The following TMEM230 variants were observed in gnomAD, a reference collection of about 807,000 sequenced individuals.
The protein encoded by TMEM230 is UPF0414 transmembrane protein C20orf30.
In TMEM230, 10 loss-of-function variants were observed where a neutral mutation model predicts 15.8. That is an observed-to-expected ratio of 0.63 (90% CI 0.39 to 1.07). TMEM230 has a LOEUF of 1.07. TMEM230 is among the 50% of genes least tolerant of loss of function. TMEM230 has a pLI of 0.01. For synonymous variants in TMEM230, 67 were observed against 76.9 expected, an observed-to-expected ratio of 0.87 and a Z score of 0.68; for missense variants, 165 against 193.3, an observed-to-expected ratio of 0.85 and a Z score of 0.87.
At position 5,106,119 on chromosome 20, in the gene TMEM230, A is replaced by ACG. The variant is rs1555775157; in HGVS notation, c.411+67_411+68dup. Reference sequence around the variant, plus strand: ...CACACACACACACACACACACACACACGCACACTAGAGCCTTGGCTAACAT... The same window carrying ACG: ...CACACACACACACACACACACACACACGCGCACACTAGAGCCTTGGCTAACAT... On this transcript the variant is annotated intron_variant, in intron 4 of 4. Coordinates refer to ENST00000342308, the MANE Select transcript of TMEM230 (RefSeq NM_001009923.2). 5.4e-4 allele frequency: 835 copies of ACG among 1,534,654 alleles called. 1 individual carries two copies. Among genetic ancestry groups the ACG allele is most frequent in the Non-Finnish European group, 6.9e-4 (791 of 1,141,040 alleles).
At chr20:5,073,127 G>T (rs1247819271) in intron 3 of TMEM230, among the ~76,000 whole-genome samples, 1 of 152,050 alleles carries the variant, frequency 6.6e-6, no homozygotes, top group Non-Finnish European at 1.5e-5. Context: ...GAAGCTGTGG[G>T]GTGTCAATTA....
At chr20:5,094,936 T>C (rs180682598), downstream of TMEM230, among the ~76,000 whole-genome samples, 384 of 152,154 alleles carry the variant, frequency 2.5e-3, 3 homozygotes, top group African/African-American at 8.9e-3. Context: ...TTTCCTAATG[T>C]AAGTCATCTC....
the TMEM230 span, among the ~76,000 whole-genome samples, chr20:5,062,638 T>C: frequency 6.6e-6 from 1 of 151,394 alleles, no homozygotes; most frequent in Non-Finnish European, 1.5e-5. Context: ...TGGTGCATGC[T>C]TGTAGTCCCA....
intron 3 of TMEM230, among the ~76,000 whole-genome samples, chr20:5,091,060 G>A (rs1275940209): frequency 1.3e-5 from 2 of 152,032 alleles, no homozygotes; most frequent in Non-Finnish European, 2.9e-5. Context: ...GTGCAGTGGC[G>A]AGATCATGGC....
At chr20:5,083,008 A>C (rs1017209109) in intron 3 of TMEM230, among the ~76,000 whole-genome samples, 1 of 149,418 alleles carries the variant, frequency 6.7e-6, no homozygotes, top group African/African-American at 2.5e-5. Context: ...GCTCATTGCA[A>C]CCTCCACCTC....
chr20:5,093,414 AT>A, intron 3 of TMEM230, among the ~76,000 whole-genome samples: 1 of 151,932 alleles, frequency 6.6e-6, no homozygotes, highest in East Asian at 1.9e-4. Flanking sequence ...TACCTGGCTA[AT>A]TTTTTTGTAG....
intron 2 of TMEM230, 130 bp from the exon 2 acceptor site, chr20:5,109,575 A>G: frequency 1.4e-6 from 1 of 692,296 alleles, no homozygotes; most frequent in South Asian, 1.7e-5. Flanking sequence ...GCAATGGGCA[A>G]TTTACACTTC....
Position 5,068,922 on chromosome 20 carries a change from C to G in TMEM230, c.*266G>C. ...AAGGGGACAGGAATCCTCCTACCCT[C>G]AGGAACAGAGGTGGGGCCATGGGGA... is the stretch of plus-strand genomic sequence containing the variant. On this transcript the variant is annotated 3_prime_UTR_variant, in exon 4 of 4. Transcript: ENST00000612323. 5.2e-6 allele frequency: 2 copies of G among 383,586 alleles called. 1 individual carries two copies. The highest frequency in any genetic ancestry group is 6.0e-5 in the South Asian group (2 of 33,254). 23.8% of individuals were successfully genotyped at this position (383,586 alleles called of 1,614,324 possible).
intron 3 of TMEM230, among the ~76,000 whole-genome samples, chr20:5,091,272 G>A (rs2089497946): frequency 6.6e-6 from 1 of 152,198 alleles, no homozygotes; most frequent in Admixed American, 6.5e-5. Flanking sequence ...CCAGGCTGGA[G>A]TGCAATGGGC....
chr20:5,095,256 C>T (rs551845526), downstream of TMEM230, among the ~76,000 whole-genome samples: 3 of 152,254 alleles, frequency 2.0e-5, no homozygotes, highest in East Asian at 1.9e-4. Flanking sequence ...CAAGCCAGCA[C>T]CTCCAGTGTT....
chr20:5,106,137 G>A (rs771214499), intron 4 of TMEM230, 51 bp downstream of exon 3: 1 of 1,564,958 alleles, frequency 6.4e-7, no homozygotes, highest in Non-Finnish European at 8.7e-7. Flanking sequence ...TAGAGCCTTG[G>A]CTAACATTTT....
chr20:5,090,319 A>G (rs2089471023), intron 3 of TMEM230, among the ~76,000 whole-genome samples: 1 of 152,244 alleles, frequency 6.6e-6, no homozygotes, highest in Non-Finnish European at 1.5e-5. Flanking sequence ...CAACAGCAGG[A>G]CATGCATTGT....
chr20:5,097,395 C>G (rs899175057), downstream of TMEM230, among the ~76,000 whole-genome samples: 5 of 152,174 alleles, frequency 3.3e-5, no homozygotes, highest in African/African-American at 1.2e-4. Context: ...TAACAGGAGG[C>G]ATAAGAGTTG....
At chr20:5,059,831 G>A in the TMEM230 span, among the ~76,000 whole-genome samples, 1 of 137,628 alleles carries the variant, frequency 7.3e-6, no homozygotes, top group Non-Finnish European at 1.5e-5. Context: ...GCTGGATGGA[G>A]TACAGTGGTG....
At chr20:5,087,094 G>T in intron 3 of TMEM230, among the ~76,000 whole-genome samples, 1 of 151,976 alleles carries the variant, frequency 6.6e-6, no homozygotes, top group East Asian at 1.9e-4. Context: ...GGCTGGTCTC[G>T]AACTCACAGA....
At chr20:5,085,848 C>T (rs1206063286) in intron 3 of TMEM230, among the ~76,000 whole-genome samples, 3 of 152,080 alleles carry the variant, frequency 2.0e-5, no homozygotes, top group Admixed American at 2.0e-4. Context: ...AATATCTCAC[C>T]TGCCTGCATC....
intron 1 of TMEM230, 92 bp downstream of exon 1, chr20:5,112,869 C>T (rs2090383349): frequency 6.5e-7 from 1 of 1,547,650 alleles, no homozygotes; most frequent in African/African-American, 1.4e-5. Flanking sequence ...ACGGATGACT[C>T]GGAGCTTGAT....
intron 3 of TMEM230, among the ~76,000 whole-genome samples, chr20:5,078,530 G>T (rs1600287716): frequency 6.6e-6 from 1 of 152,128 alleles, no homozygotes; most frequent in South Asian, 2.1e-4. Context: ...AAATCTAGTG[G>T]CTTAACACAA....
chr20:5,106,354 T>C (rs1444925846), intron 3 of TMEM230, 44 bp from the exon 3 acceptor site: 9 of 1,556,664 alleles, frequency 5.8e-6, no homozygotes, highest in Middle Eastern at 1.7e-4. Flanking sequence ...AGAACATTAA[T>C]GCAAATACCT....
Sources: allele counts gnomAD v4.1 joint callset (sites outside exome capture counted in the v4.1 genomes callset), GRCh38; gene constraint gnomAD v4.1.1; transcripts MANE v1.5; gene names NCBI Gene and HGNC (gene_info 2026-07-23, HGNC 2026-07-21).